The following AFF4 variants were observed in gnomAD, a reference collection of about 807,000 sequenced individuals.
AFF4 encodes ALF transcription elongation factor 4.
A neutral mutation model predicts 124.8 loss-of-function variants in AFF4; 13 were observed. The observed-to-expected ratio is 0.10, with a 90% CI of 0.07 to 0.17. The LOEUF is 0.17. Ranked by LOEUF, AFF4 falls within the 10% of genes least tolerant of loss-of-function variation. The probability of loss-of-function intolerance (pLI) is 1.00; values close to 1 mark genes in which losing one functional copy is unlikely to be tolerated. For missense variants in AFF4, 1,092 were observed against 1,403.8 expected (o/e 0.78, Z 3.55); for synonymous variants, 477 against 496.1 (o/e 0.96, Z 0.51).
Position 132,937,109 on chromosome 5 carries a change from G to A in AFF4, c.81C>T (p.Ala27=), listed in dbSNP as rs148617173. The A allele has an allele frequency of 8.8e-5, 142 of 1,613,700 alleles. No individual in the cohort carries two copies. Among genetic ancestry groups the A allele is most frequent in the Non-Finnish European group, 1.1e-4 (134 of 1,179,932 alleles). The change falls in exon 2 of 21, where the codon GCC becomes GCT. Residue 27 remains alanine (A), a synonymous_variant. Transcript: ENST00000265343. Reference sequence around the variant, plus strand: ...CAAAGAGAGGAGAGCTAGGTGGGAAGGCGTCTTCGCCCTGCTGAATTTCCT... The same window carrying A: ...CAAAGAGAGGAGAGCTAGGTGGGAAAGCGTCTTCGCCCTGCTGAATTTCCT... ...RNQEIQQGED[A]FPPSSPLFAE...
intron 2 of AFF4, among the ~76,000 whole-genome samples, chr5:132,936,020 C>G (rs182635900): frequency 2.5e-4 from 38 of 151,848 alleles, no homozygotes; most frequent in Non-Finnish European, 4.7e-4. Flanking sequence ...GTAATCCCAG[C>G]ACTTTGGGAG....
chr5:132,878,506 T>G lies in AFF4; in HGVS notation c.*2553A>C, dbSNP rs1408503141. 1 of 232,232 alleles carries G rather than the reference T, an allele frequency of 4.3e-6. No individual in the cohort carries two copies. 14.4% of individuals were successfully genotyped at this position (232,232 alleles called of 1,614,324 possible). ...GGGGGGAAGGTCACCTGTAAAGGAGTCCAAAGTATGTGCTGGAGCAGATGA... is the reference window on the plus strand; with the variant it reads ...GGGGGGAAGGTCACCTGTAAAGGAGGCCAAAGTATGTGCTGGAGCAGATGA... On this transcript the variant is annotated 3_prime_UTR_variant, in exon 21 of 21. Transcript: ENST00000265343.
chr5:132,956,750 G>C (rs762943292), intron 1 of AFF4, among the ~76,000 whole-genome samples: 3 of 151,742 alleles, frequency 2.0e-5, no homozygotes, highest in Non-Finnish European at 4.4e-5. Context: ...GGCCAGGCAA[G>C]GTGGCTCACA....
chr5:132,951,223 CAAAA>C (rs111423086), intron 1 of AFF4, among the ~76,000 whole-genome samples: 1 of 134,168 alleles, frequency 7.5e-6, no homozygotes, highest in African/African-American at 2.7e-5. Flanking sequence ...GACTCCGTCT[CAAAA>C]AAAAAAAAAA....
intron 5 of AFF4, among the ~76,000 whole-genome samples, chr5:132,922,423 GAAAT>G (rs1299038722): frequency 2.6e-5 from 4 of 151,660 alleles, no homozygotes; most frequent in Non-Finnish European, 4.4e-5. Context: ...TAAAAAGAAA[GAAAT>G]AAAAGTATAC....
At chr5:132,921,757 C>T (rs1039898634) in intron 5 of AFF4, among the ~76,000 whole-genome samples, 1 of 151,992 alleles carries the variant, frequency 6.6e-6, no homozygotes, top group Admixed American at 6.5e-5. Context: ...TGAGCCACTG[C>T]GCCCAGCATG....
intron 7 of AFF4, chr5:132,901,250 C>A: frequency 1.5e-6 from 1 of 678,290 alleles, no homozygotes; most frequent in Non-Finnish European, 1.8e-6. Flanking sequence ...GCTCAGGGCC[C>A]TGCACGCTTT....
At chr5:132,913,368 A>T (rs1414908682) in intron 5 of AFF4, among the ~76,000 whole-genome samples, 1 of 152,254 alleles carries the variant, frequency 6.6e-6, no homozygotes, top group African/African-American at 2.4e-5. Context: ...ATAGAATTAA[A>T]ATGAGTAAGG....
intron 1 of AFF4, among the ~76,000 whole-genome samples, chr5:132,959,909 C>G (rs999542940): frequency 6.6e-6 from 1 of 151,746 alleles, no homozygotes; most frequent in Non-Finnish European, 1.5e-5. Flanking sequence ...GGACTACAGG[C>G]GCCTGCCACC....
Position 132,880,783 on chromosome 5 carries a change from T to C in AFF4, c.*276A>G, listed in dbSNP as rs1346227852. On this transcript the variant is annotated 3_prime_UTR_variant, in exon 21 of 21. Coordinates refer to ENST00000265343, the MANE Select transcript of AFF4 (RefSeq NM_014423.4). ...AAAATTTCAATTCATTAGTTATGAA[T>C]TGCAACTGGAATTTCAATCTTATCA... The C allele has an allele frequency of 6.3e-6, 2 of 316,448 alleles. No individual in the cohort carries two copies. Among genetic ancestry groups the C allele is most frequent in the East Asian group, 4.8e-5 (1 of 20,866 alleles). 19.6% of individuals were successfully genotyped at this position (316,448 alleles called of 1,614,324 possible).
chr5:132,890,823 C>T (rs1477750745), intron 13 of AFF4, among the ~76,000 whole-genome samples: 1 of 151,806 alleles, frequency 6.6e-6, no homozygotes, highest in Non-Finnish European at 1.5e-5. Flanking sequence ...CATTACCCAG[C>T]AAGTTAAGCA....
Position 132,895,572 on chromosome 5 carries a change from T to C in AFF4, c.2307+751A>G, listed in dbSNP as rs535438730. Reference sequence around the variant, plus strand: ...CATAGACATGTATCGGAAGAAATTATAGTATTCTTTGATATAGACTACTTA... The same window carrying C: ...CATAGACATGTATCGGAAGAAATTACAGTATTCTTTGATATAGACTACTTA... On this transcript the variant is annotated intron_variant, in intron 11 of 20. Coordinates refer to ENST00000265343, the MANE Select transcript of AFF4 (RefSeq NM_014423.4). 1.9e-4 allele frequency among the ~76,000 whole-genome samples: 29 copies of C among 152,360 alleles called. No homozygotes were observed. In the East Asian group the frequency reaches 2.9e-3, roughly 15 times the overall value.
chr5:132,905,446 TG>T (rs1760651493), intron 5 of AFF4, among the ~76,000 whole-genome samples: 2 of 152,234 alleles, frequency 1.3e-5, no homozygotes, highest in South Asian at 4.1e-4. Context: ...GAATTGTCTG[TG>T]AAAGAACAAT....
chr5:132,896,536 C>A lies in AFF4; in HGVS notation c.2094G>T (p.Glu698Asp). 6.2e-7 allele frequency: 1 copy of A among 1,614,154 alleles called. No homozygotes were observed. Residue 698 changes from glutamate to aspartate, a missense_variant, in exon 11 of 21, where the codon GAG (glutamate) becomes GAT (aspartate). Glu to Asp is a conservative substitution (Grantham distance 45). Coordinates refer to ENST00000265343, the MANE Select transcript of AFF4 (RefSeq NM_014423.4). ...FRQRMFSPME[E>D]KELLSPLSEP... ...CACTGAGGGGTGAAAGAAGTTCCTT[C>A]TCTTCCATAGGAGAGAACATTCGTT...
chr5:132,956,985 A>G (rs1761974670), intron 1 of AFF4, among the ~76,000 whole-genome samples: 1 of 125,162 alleles, frequency 8.0e-6, no homozygotes, highest in African/African-American at 3.1e-5. Flanking sequence ...GCACCATTGC[A>G]CTCCAGCCTG....
intron 1 of AFF4, among the ~76,000 whole-genome samples, chr5:132,955,997 T>C (rs1761951753): frequency 6.7e-6 from 1 of 149,330 alleles, no homozygotes; most frequent in Non-Finnish European, 1.5e-5. Flanking sequence ...AAATATATAA[T>C]ACACGTAATA....
Position 132,892,214 on chromosome 5 carries a change from T to C in AFF4, c.2587A>G (p.Lys863Glu). Residue 863 changes from lysine (K) to glutamate (E), a missense_variant, in exon 13 of 21, where the codon AAG becomes GAG. Lys to Glu is a moderately conservative substitution (Grantham distance 56). Coordinates refer to ENST00000265343, the MANE Select transcript of AFF4 (RefSeq NM_014423.4). ...GSSKNSSSTSKQKKTEGKTSS... is the reference protein window; with the variant it reads ...GSSKNSSSTSEQKKTEGKTSS... ...GTCTTCCCTTCGGTCTTCTTCTGCT[T>C]TGATGTGGAGGAACTGTTTTTGCTG... is the stretch of plus-strand genomic sequence containing the variant. 6.2e-7 allele frequency: 1 copy of C among 1,614,144 alleles called. No homozygotes were observed. The highest frequency in any genetic ancestry group is 8.5e-7 in the Non-Finnish European group (1 of 1,180,016).
chr5:132,908,757 CATATAT>C (rs1206698351), intron 5 of AFF4, among the ~76,000 whole-genome samples: 32 of 136,156 alleles, frequency 2.4e-4, no homozygotes, highest in South Asian at 4.5e-4. Flanking sequence ...TATATATATA[CATATAT>C]ATATATATAT....
intron 1 of AFF4, among the ~76,000 whole-genome samples, chr5:132,940,209 A>C (rs1037536175): frequency 6.8e-6 from 1 of 147,944 alleles, no homozygotes; most frequent in African/African-American, 2.5e-5. Flanking sequence ...TCAAAAAAAT[A>C]AAAATAAAGG....
Sources: gnomAD v4.1 joint callset for allele counts (sites outside exome capture counted in the v4.1 genomes callset) on GRCh38, gnomAD v4.1.1 for gene constraint, MANE v1.5 for transcripts, NCBI Gene and HGNC (gene_info 2026-07-23, HGNC 2026-07-21) for gene names.